Variants in SGPP1 observed in about 807,000 individuals in gnomAD.
The protein encoded by SGPP1 is hSPP1.
A neutral mutation model predicts 33.0 loss-of-function variants in SGPP1; 21 were observed. That is an observed-to-expected ratio of 0.64 (90% CI 0.45 to 0.92). SGPP1 has a LOEUF of 0.92. SGPP1 is among the 40% of genes least tolerant of loss of function. The pLI, the probability that SGPP1 is intolerant of heterozygous loss-of-function variation, is 0.00. For synonymous variants in SGPP1, 239 were observed against 241.2 expected (o/e 0.99, Z 0.08); for missense variants, 543 against 589.4 (o/e 0.92, Z 0.81).
At chr14:63,706,904 C>T (rs936839345) in intron 1 of SGPP1, among the ~76,000 whole-genome samples, 6 of 151,674 alleles carry the variant, frequency 4.0e-5, no homozygotes, top group African/African-American at 1.5e-4. Context: ...TTAGCTGGGC[C>T]TGGTAGCATG....
chr14:63,698,735 T>A (rs1245538457), intron 1 of SGPP1, 77 bp from the exon 2 acceptor site: 1 of 782,828 alleles, frequency 1.3e-6, no homozygotes, highest in Non-Finnish European at 1.9e-6. Flanking sequence ...ACAAATCAAA[T>A]CACTATTCTA....
rs1566536548 is a variant in SGPP1, at chr14:63,718,989, TATATATATATATATATATATA to T, written c.684+8251_684+8271del. On this transcript the variant is annotated intron_variant, in intron 1 of 2. Transcript: ENST00000247225. ...ATATATGTATATACATATATATATA[TATATATATATATATATATATA>T]TATATTTTTTTTTTTTTTTTTTTTT... Among the ~76,000 whole-genome samples the T allele has an allele frequency of 7.3e-4, 13 of 17,884 alleles. 1 individual carries two copies. Among genetic ancestry groups the T allele is most frequent in the Non-Finnish European group, 1.2e-3 (11 of 8,962 alleles). 11.7% of individuals were successfully genotyped at this position (17,884 alleles called of 152,430 possible). A position where few individuals can be genotyped will look rare whatever the true frequency, so the allele number is the denominator to read the frequency against.
At chr14:63,692,408 T>C (rs1407189597) in intron 2 of SGPP1, among the ~76,000 whole-genome samples, 1 of 152,022 alleles carries the variant, frequency 6.6e-6, no homozygotes, top group African/African-American at 2.4e-5. Context: ...ATTTTGAGAA[T>C]CAGAAATTAA....
At chr14:63,707,432 T>G (rs937751572) in intron 1 of SGPP1, among the ~76,000 whole-genome samples, 1 of 152,158 alleles carries the variant, frequency 6.6e-6, no homozygotes, top group Non-Finnish European at 1.5e-5. Flanking sequence ...GGCCCCAGCA[T>G]TCCAGATCAT....
chr14:63,698,728 A>C, intron 1 of SGPP1, 70 bp from the exon 2 acceptor site: 3 of 839,534 alleles, frequency 3.6e-6, no homozygotes, highest in South Asian at 2.2e-5. Flanking sequence ...ATAAAAGACA[A>C]ATCAAATCAC....
At chr14:63,723,248 A>G (rs963549481) in intron 1 of SGPP1, among the ~76,000 whole-genome samples, 7 of 152,262 alleles carry the variant, frequency 4.6e-5, no homozygotes, top group South Asian at 2.1e-4. Context: ...AAAAATTCCA[A>G]TGAATAATAT....
At chr14:63,713,321 TTCTTACTGATATATCCAATTAG>T (rs1229449356) in intron 1 of SGPP1, among the ~76,000 whole-genome samples, 2 of 152,230 alleles carry the variant, frequency 1.3e-5, no homozygotes, top group Admixed American at 6.5e-5. Flanking sequence ...CTTTTTTTCC[TTCTTACTGATATATCCAATTAG>T]TCACCATGTT....
Position 63,727,538 on chromosome 14 carries a change from G to A in SGPP1, c.407C>T (p.Thr136Met). 3.7e-6 allele frequency: 6 copies of A among 1,613,782 alleles called. No individual in the cohort carries two copies. Among genetic ancestry groups the A allele is most frequent in the Non-Finnish European group, 5.1e-6 (6 of 1,179,994 alleles). ...WPLYCLFCFG[T>M]ELGNELFYIL... ...GTAGAAGAGTTCGTTGCCCAGCTCC[G>A]TGCCGAAGCAGAACAGGCAGTAGAG... Residue 136 changes from threonine (T) to methionine (M), a missense_variant, in exon 1 of 3, where the codon ACG becomes ATG. Physicochemically the swap from Thr to Met is moderately conservative, Grantham distance 81. Coordinates refer to ENST00000247225, the MANE Select transcript of SGPP1 (RefSeq NM_030791.4).
chr14:63,712,634 A>G (rs1334207977), intron 1 of SGPP1, among the ~76,000 whole-genome samples: 2 of 152,222 alleles, frequency 1.3e-5, no homozygotes, highest in Admixed American at 1.3e-4. Flanking sequence ...GTATGAAAAC[A>G]GAACATTTTT....
At chr14:63,708,687 T>C (rs576713277) in intron 1 of SGPP1, among the ~76,000 whole-genome samples, 2 of 152,220 alleles carry the variant, frequency 1.3e-5, no homozygotes, top group Non-Finnish European at 2.9e-5. Context: ...TAATTTTTAT[T>C]TGACATACAA....
In SGPP1 at chr14:63,727,513, G is replaced by A. The variant is rs374359547; in HGVS notation, c.432C>T (p.Tyr144=). 4.3e-6 allele frequency: 7 copies of A among 1,614,028 alleles called. No individual in the cohort carries two copies. In the African/African-American group the frequency reaches 8.0e-5, roughly 18 times the overall value. ...FGTELGNELF[Y]ILFFPFWIWN... The stretch of plus-strand genomic sequence containing the variant: ...AGATCCAGAAGGGGAAGAACAGGAT[G>A]TAGAAGAGTTCGTTGCCCAGCTCCG... The change falls in exon 1 of 3, where the codon TAC becomes TAT. Residue 144 remains tyrosine (Y), a synonymous_variant. Transcript: ENST00000247225.
intron 1 of SGPP1, among the ~76,000 whole-genome samples, chr14:63,708,342 G>A (rs371277967): frequency 1.5e-5 from 2 of 134,260 alleles, no homozygotes; most frequent in Non-Finnish European, 3.1e-5. Context: ...TGCAACCTCC[G>A]CCTCCTGGGT....
intron 1 of SGPP1, among the ~76,000 whole-genome samples, chr14:63,700,589 A>G (rs1226551910): frequency 2.0e-5 from 3 of 152,204 alleles, no homozygotes. Flanking sequence ...TAAACAGTAA[A>G]CACAAAAGCA....
chr14:63,688,622 C>T (rs972203110), intron 2 of SGPP1, among the ~76,000 whole-genome samples: 8 of 152,060 alleles, frequency 5.3e-5, no homozygotes, highest in African/African-American at 1.9e-4. Flanking sequence ...ACTGTCTCCA[C>T]TTCCTCACCT....
intron 1 of SGPP1, among the ~76,000 whole-genome samples, chr14:63,704,406 T>C (rs1321791633): frequency 1.3e-5 from 2 of 152,128 alleles, no homozygotes; most frequent in East Asian, 3.9e-4. Context: ...GCCAAGACCA[T>C]TAAATAGGTA....
At chr14:63,699,410 G>T (rs1885251393) in intron 1 of SGPP1, among the ~76,000 whole-genome samples, 1 of 152,108 alleles carries the variant, frequency 6.6e-6, no homozygotes, top group East Asian at 1.9e-4. Context: ...GCACATTTGG[G>T]GCTGTTTATG....
intron 2 of SGPP1, among the ~76,000 whole-genome samples, chr14:63,692,427 A>T (rs1010554797): frequency 2.6e-5 from 4 of 151,992 alleles, no homozygotes; most frequent in African/African-American, 9.7e-5. Flanking sequence ...AAATATTGGG[A>T]GTGAAGAGAA....
chr14:63,706,111 T>TCA (rs1369148063), intron 1 of SGPP1, among the ~76,000 whole-genome samples: 1 of 152,244 alleles, frequency 6.6e-6, no homozygotes, highest in African/African-American at 2.4e-5. Context: ...AGGAATGAAG[T>TCA]ACTGATGCAT....
At chr14:63,707,464 C>T (rs920234990) in intron 1 of SGPP1, among the ~76,000 whole-genome samples, 1 of 152,108 alleles carries the variant, frequency 6.6e-6, no homozygotes, top group African/African-American at 2.4e-5. Flanking sequence ...TCCTGATTGC[C>T]TCTCCAGAAA....
Sources: allele counts gnomAD v4.1 joint callset (sites outside exome capture counted in the v4.1 genomes callset), GRCh38; gene constraint gnomAD v4.1.1; transcripts MANE v1.5; gene names NCBI Gene and HGNC (gene_info 2026-07-23, HGNC 2026-07-21).